ENDOD1: variants seen among roughly 807,000 people sequenced by gnomAD.
The protein encoded by ENDOD1 is endonuclease domain-containing 1 protein.
ENDOD1 carries 9 observed loss-of-function variants against 6.5 expected under a neutral mutation model. The observed-to-expected ratio is 1.39, with a 90% CI of 0.84 to 2.43. The LOEUF is 2.43. Ranked by LOEUF, ENDOD1 falls within the 30% of genes most tolerant of loss-of-function variation. The pLI, the probability that ENDOD1 is intolerant of heterozygous loss-of-function variation, is 0.00. For synonymous variants in ENDOD1, 255 were observed against 255.2 expected (o/e 1.00, Z 0.01); for missense variants, 648 against 635.5 (o/e 1.02, Z -0.21).
At chr11:95,120,344 G>T (rs1565448207) in intron 1 of ENDOD1, among the ~76,000 whole-genome samples, 1 of 152,110 alleles carries the variant, frequency 6.6e-6, no homozygotes, top group South Asian at 2.1e-4. Flanking sequence ...TATTGCTGCT[G>T]ATTATTAAGG....
rs1207632903 is a variant in ENDOD1 at position 95,128,512 on chromosome 11, C to A, written c.436C>A (p.Pro146Thr). The change falls in exon 2 of 2, where the codon CCA becomes ACA. Residue 146 changes from proline (P) to threonine (T), a missense_variant. Pro to Thr is a conservative substitution (Grantham distance 38, BLOSUM62 -1). Coordinates refer to ENST00000278505, the MANE Select transcript of ENDOD1 (RefSeq NM_015036.3). ...TGATTACCAAAGAGGACAGCTTTAC[C>A]CATTCTCCCTTAGCAGTGATGTCCA... Reference protein sequence around the residue: ...DSDYQRGQLYPFSLSSDVQVA... With the variant: ...DSDYQRGQLYTFSLSSDVQVA... The A allele has an allele frequency of 6.2e-7, 1 of 1,614,232 alleles. No homozygotes were observed. The highest frequency in any genetic ancestry group is 8.5e-7 in the Non-Finnish European group (1 of 1,180,044).
chr11:95,091,076 C>G (rs1858926628), intron 1 of ENDOD1, among the ~76,000 whole-genome samples: 1 of 152,146 alleles, frequency 6.6e-6, no homozygotes, highest in Admixed American at 6.5e-5. Flanking sequence ...GGTGACCAAA[C>G]ACTTGAGAAG....
intron 1 of ENDOD1, among the ~76,000 whole-genome samples, chr11:95,112,695 A>G (rs549671536): frequency 2.0e-5 from 3 of 152,212 alleles, no homozygotes; most frequent in Middle Eastern, 3.4e-3. Flanking sequence ...TTCAAGTTCC[A>G]CTTCAGGATT....
intron 1 of ENDOD1, among the ~76,000 whole-genome samples, chr11:95,122,878 CAGTT>C (rs1290517019): frequency 5.3e-5 from 8 of 152,110 alleles, no homozygotes; most frequent in Admixed American, 2.0e-4. Context: ...CAGTGGAAAT[CAGTT>C]AGTATGGTAT....
chr11:95,101,672 C>A (rs1859042265), intron 1 of ENDOD1, among the ~76,000 whole-genome samples: 1 of 152,098 alleles, frequency 6.6e-6, no homozygotes, highest in Non-Finnish European at 1.5e-5. Context: ...TTCCATAACA[C>A]CTAGAGACAC....
In ENDOD1 at chr11:95,119,813, G is replaced by A. The variant is rs536319799; in HGVS notation, c.301-8564G>A. ...TGCCATCTGGGAGCCAGGGACTAGAGTCAAAAGCCTTAGAAGTCTACCTGG... is the reference window on the plus strand; with the variant it reads ...TGCCATCTGGGAGCCAGGGACTAGAATCAAAAGCCTTAGAAGTCTACCTGG... On this transcript the variant is annotated intron_variant, in intron 1 of 1. Transcript: ENST00000278505. 1.5e-4 allele frequency among the ~76,000 whole-genome samples: 23 copies of A among 152,298 alleles called. No individual in the cohort carries two copies. The South Asian group carries it at 1.9e-3, about 12-fold the overall frequency.
intron 1 of ENDOD1, among the ~76,000 whole-genome samples, chr11:95,096,227 CTT>C (rs10660230): frequency 0.011 from 567 of 49,798 alleles, no homozygotes; most frequent in African/African-American, 0.044. Context: ...GTCAAGAAAG[CTT>C]TTTTTTTTTT....
rs1225954425 is a variant in ENDOD1, at chr11:95,128,813, T to C, written c.737T>C (p.Ile246Thr). 6.2e-6 allele frequency: 10 copies of C among 1,614,178 alleles called. No homozygotes were observed. Among genetic ancestry groups the C allele is most frequent in the Non-Finnish European group, 8.5e-6 (10 of 1,180,022 alleles). ...AAGCACACCCGGGACAGTGACATCA[T>C]AGAAGATGTGATGGTAAAAGATCTT... is the stretch of plus-strand genomic sequence containing the variant. The part of the protein sequence containing the change: ...FVKHTRDSDI[I>T]EDVMVKDLQK... Residue 246 changes from isoleucine to threonine, a missense_variant, in exon 2 of 2, where the codon ATA (isoleucine) becomes ACA (threonine). Coordinates refer to ENST00000278505, the MANE Select transcript of ENDOD1 (RefSeq NM_015036.3).
intron 1 of ENDOD1, among the ~76,000 whole-genome samples, chr11:95,117,881 G>A (rs1859225967): frequency 6.6e-6 from 1 of 151,970 alleles, no homozygotes; most frequent in African/African-American, 2.4e-5. Flanking sequence ...ATTTTCTCTG[G>A]GGATATGATT....
intron 1 of ENDOD1, among the ~76,000 whole-genome samples, chr11:95,120,173 T>A (rs1422497041): frequency 6.6e-6 from 1 of 152,174 alleles, no homozygotes; most frequent in East Asian, 1.9e-4. Flanking sequence ...GCTGAGCTGG[T>A]ACCTGAGGTG....
At position 95,130,374 on chromosome 11, in the gene ENDOD1, A is replaced by AAGAAG. The variant is rs1376885700; in HGVS notation, c.*806_*810dup. 1.3e-5 allele frequency: 2 copies of AAGAAG among 151,980 alleles called. No homozygotes were observed. Among genetic ancestry groups the AAGAAG allele is most frequent in the Admixed American group, 6.6e-5 (1 of 15,264 alleles). The allele number at this position is 151,980 out of a possible 1,614,324, so 9.4% of individuals were successfully genotyped here. A position where few individuals can be genotyped will look rare whatever the true frequency, so the allele number is the denominator to read the frequency against. On this transcript the variant is annotated 3_prime_UTR_variant, in exon 2 of 2. Transcript: ENST00000278505. ...GTATAATACAGTCCTCTCCGGTGGA[A>AAGAAG]AGAAGAGAAGAGAAGGTGGACAGCC... is the stretch of plus-strand genomic sequence containing the variant.
chr11:95,112,510 T>TACC (rs1859161065), intron 1 of ENDOD1, among the ~76,000 whole-genome samples: 1 of 152,270 alleles, frequency 6.6e-6, no homozygotes, highest in Non-Finnish European at 1.5e-5. Flanking sequence ...AACAATGTTT[T>TACC]TGAAATTTTC....
chr11:95,093,908 G>A (rs1379750446), intron 1 of ENDOD1, among the ~76,000 whole-genome samples: 1 of 152,142 alleles, frequency 6.6e-6, no homozygotes, highest in Non-Finnish European at 1.5e-5. Context: ...ATGGTTTGGA[G>A]GAGTTCTAGT....
At chr11:95,095,887 G>A (rs1858978899) in intron 1 of ENDOD1, among the ~76,000 whole-genome samples, 1 of 152,176 alleles carries the variant, frequency 6.6e-6, no homozygotes, top group South Asian at 2.1e-4. Flanking sequence ...TAACTAAAAT[G>A]TTAGTTTTTT....
chr11:95,090,279 T>C (rs1858916244), intron 1 of ENDOD1, 52 bp downstream of exon 1: 1 of 1,355,828 alleles, frequency 7.4e-7, no homozygotes. Context: ...ACCGTGCCGC[T>C]GGACATGCCC....
chr11:95,110,610 T>C (rs998564424), intron 1 of ENDOD1, among the ~76,000 whole-genome samples: 5 of 151,934 alleles, frequency 3.3e-5, no homozygotes, highest in Admixed American at 1.3e-4. Flanking sequence ...TGTGTGTGTG[T>C]GCTTTTTAAA....
At chr11:95,125,027 CT>C (rs1422259538) in intron 1 of ENDOD1, among the ~76,000 whole-genome samples, 1 of 152,060 alleles carries the variant, frequency 6.6e-6, no homozygotes, top group Non-Finnish European at 1.5e-5. Flanking sequence ...CTCCTTCTGC[CT>C]CTTTCTATTG....
chr11:95,129,690 G>C lies in ENDOD1; in HGVS notation c.*111G>C. The C allele has an allele frequency of 8.3e-7, 1 of 1,211,356 alleles. No homozygotes were observed. The highest frequency in any genetic ancestry group is 2.4e-5 in the East Asian group (1 of 42,082). The allele number at this position is 1,211,356 out of a possible 1,614,324, so 75.0% of individuals were successfully genotyped here. ...TTATCATTATATTTTGGCCTTTGGT[G>C]GGGATGTCTGCTTGTTTTTGCAAAA... is the stretch of plus-strand genomic sequence containing the variant. On this transcript the variant is annotated 3_prime_UTR_variant, in exon 2 of 2. Transcript: ENST00000278505.
chr11:95,114,873 A>G (rs538374549), intron 1 of ENDOD1, among the ~76,000 whole-genome samples: 1 of 152,324 alleles, frequency 6.6e-6, no homozygotes, highest in South Asian at 2.1e-4. Context: ...TTATACCAGT[A>G]ACATGCTGTT....
Sources: gnomAD v4.1 joint callset for allele counts (sites outside exome capture counted in the v4.1 genomes callset) on GRCh38, gnomAD v4.1.1 for gene constraint, MANE v1.5 for transcripts, NCBI Gene and HGNC (gene_info 2026-07-23, HGNC 2026-07-21) for gene names.